The following MAPK9 variants were observed in gnomAD, a reference collection of about 807,000 sequenced individuals.
MAPK9 encodes the protein Jun kinase.
Under a neutral mutation model 57.1 loss-of-function variants are expected in MAPK9, and 30 were observed. The observed-to-expected ratio is 0.53, with a 90% CI of 0.39 to 0.71. The LOEUF is 0.71. MAPK9 is among the 30% of genes least tolerant of loss of function. MAPK9 has a pLI of 0.00. For missense variants in MAPK9, 362 were observed against 521.0 expected (o/e 0.69, Z 2.97); for synonymous variants, 155 against 177.0 (o/e 0.88, Z 0.99).
intron 2 of MAPK9, among the ~76,000 whole-genome samples, chr5:180,273,412 G>T (rs535036615): frequency 1.3e-5 from 2 of 151,454 alleles, no homozygotes; most frequent in East Asian, 3.9e-4. Flanking sequence ...AAGTGGAGAT[G>T]GGGGGAGTCT....
In MAPK9 at chr5:180,247,257, A is replaced by G; in HGVS notation, c.688+182T>C. ...ATCACAGGTAGTCAAGTTAAAAATA[A>G]AGAATGAAATTGAACCACTTGGCTT... On this transcript the variant is annotated intron_variant, in intron 7 of 11. Transcript: ENST00000452135. The surrounding 1 kb of genome is among the most constrained non-coding windows in gnomAD (Gnocchi z 4.5). The G allele has an allele frequency of 1.6e-6, 1 of 626,392 alleles. No homozygotes were observed. The highest frequency in any genetic ancestry group is 2.8e-6 in the Non-Finnish European group (1 of 359,076). The allele number at this position is 626,392 out of a possible 1,614,324, so 38.8% of individuals were successfully genotyped here.
chr5:180,268,941 C>G (rs2127605217), intron 3 of MAPK9, among the ~76,000 whole-genome samples: 1 of 151,632 alleles, frequency 6.6e-6, no homozygotes, highest in South Asian at 2.1e-4. Context: ...AGATCAAGAC[C>G]ATCCTGACTA....
intron 5 of MAPK9, among the ~76,000 whole-genome samples, chr5:180,254,238 A>G (rs1759029848): frequency 6.6e-6 from 1 of 152,188 alleles, no homozygotes. Context: ...AAGTGCTGGG[A>G]TTACTGGCAT....
At chr5:180,269,087 C>T (rs560189089) in intron 3 of MAPK9, among the ~76,000 whole-genome samples, 193 bp downstream of exon 3, 5 of 152,106 alleles carry the variant, frequency 3.3e-5, no homozygotes, top group African/African-American at 7.2e-5. Flanking sequence ...TGCAGAGAGC[C>T]GAGACTGCGC....
intron 5 of MAPK9, among the ~76,000 whole-genome samples, chr5:180,254,906 C>G (rs145055976): frequency 6.6e-6 from 1 of 152,102 alleles, no homozygotes. Flanking sequence ...TGGTGGCGGA[C>G]GCCTGCAGTC....
At chr5:180,267,899 G>A (rs1760809441) in intron 3 of MAPK9, among the ~76,000 whole-genome samples, 1 of 152,056 alleles carries the variant, frequency 6.6e-6, no homozygotes, top group South Asian at 2.1e-4. Context: ...GTCTCGCTCT[G>A]TCGCCCAGGC....
chr5:180,234,777 T>C lies in MAPK9; in HGVS notation c.*1607A>G, dbSNP rs1182995122. The C allele has an allele frequency of 6.6e-6, 1 of 151,846 alleles. No homozygotes were observed. Among genetic ancestry groups the C allele is most frequent in the African/African-American group, 2.4e-5 (1 of 41,094 alleles). 9.4% of individuals were successfully genotyped at this position (151,846 alleles called of 1,614,324 possible). Reference sequence around the variant, plus strand: ...AAAAGAACTATTTCTTATTTCAATATTAATTTTGCTAATCAAAGGTTCCAG... The same window carrying C: ...AAAAGAACTATTTCTTATTTCAATACTAATTTTGCTAATCAAAGGTTCCAG... On this transcript the variant is annotated 3_prime_UTR_variant, in exon 12 of 12. Transcript: ENST00000452135.
chr5:180,266,772 A>G (rs1272816126), intron 3 of MAPK9, among the ~76,000 whole-genome samples: 1 of 152,122 alleles, frequency 6.6e-6, no homozygotes, highest in Non-Finnish European at 1.5e-5. Flanking sequence ...TAATGAAAAT[A>G]TCAAACTAAT....
rs1757587998 is a variant in MAPK9 at position 180,240,917 on chromosome 5, G to A, written c.996+114C>T. ...ACACTTGGCCTTTCTGTAACTGGGA[G>A]CCCCCAAATGGAGAACTTGCTACCC... On this transcript the variant is annotated intron_variant, in intron 9 of 11. Coordinates refer to ENST00000452135, the MANE Select transcript of MAPK9 (RefSeq NM_002752.5). 6 of 1,268,322 alleles carry A rather than the reference G, an allele frequency of 4.7e-6. No homozygotes were observed. In the South Asian group the frequency reaches 1.2e-4, roughly 26 times the overall value. The allele number at this position is 1,268,322 out of a possible 1,614,324, so 78.6% of individuals were successfully genotyped here. A position where few individuals can be genotyped will look rare whatever the true frequency, so the allele number is the denominator to read the frequency against.
intron 3 of MAPK9, among the ~76,000 whole-genome samples, chr5:180,267,726 A>AT (rs1222625503): frequency 1.3e-5 from 2 of 152,092 alleles, no homozygotes. Context: ...ACTGCCAAGC[A>AT]TGGTGGCGCA....
At chr5:180,246,612 TG>T (rs1295826377) in intron 7 of MAPK9, 1 of 152,092 alleles carries the variant, frequency 6.6e-6, no homozygotes, top group African/African-American at 2.4e-5. Context: ...AAAAACTAAG[TG>T]GTTAAAACAC....
At chr5:180,283,131 C>T (rs1035184425) in intron 1 of MAPK9, among the ~76,000 whole-genome samples, 47 of 152,148 alleles carry the variant, frequency 3.1e-4, no homozygotes, top group African/African-American at 9.9e-4. Flanking sequence ...CTCCCTTCCT[C>T]GCTTTCATAA....
chr5:180,260,833 T>C (rs1759871758), intron 5 of MAPK9, among the ~76,000 whole-genome samples: 1 of 152,234 alleles, frequency 6.6e-6, no homozygotes, highest in African/African-American at 2.4e-5. Context: ...TAATTGTTCT[T>C]CACCTATTAC....
intron 1 of MAPK9, among the ~76,000 whole-genome samples, chr5:180,286,687 C>A (rs1427568622): frequency 6.7e-6 from 1 of 148,172 alleles, no homozygotes; most frequent in Non-Finnish European, 1.5e-5. Flanking sequence ...CTCTCAATCC[C>A]CCACTCCCAG....
intron 5 of MAPK9, among the ~76,000 whole-genome samples, chr5:180,251,257 C>A (rs1264309631): frequency 6.6e-6 from 1 of 152,072 alleles, no homozygotes; most frequent in Admixed American, 6.6e-5. Context: ...GCCAGCAGGC[C>A]CTGAAGCCCA....
intron 5 of MAPK9, among the ~76,000 whole-genome samples, chr5:180,249,421 AT>A (rs1758443897): frequency 1.3e-5 from 2 of 151,314 alleles, no homozygotes; most frequent in African/African-American, 4.9e-5. Flanking sequence ...CCCTCCATCC[AT>A]GCATCTACAC....
chr5:180,252,555 C>T (rs979271537), intron 5 of MAPK9, among the ~76,000 whole-genome samples: 2 of 152,172 alleles, frequency 1.3e-5, no homozygotes, highest in East Asian at 1.9e-4. Flanking sequence ...GATTTACTAT[C>T]TTGGGGGCAG....
At chr5:180,249,414 T>A (rs1178908763) in intron 5 of MAPK9, among the ~76,000 whole-genome samples, 1 of 151,862 alleles carries the variant, frequency 6.6e-6, no homozygotes, top group Non-Finnish European at 1.5e-5. Context: ...CTATCTACCC[T>A]CCATCCATGC....
intron 2 of MAPK9, chr5:180,279,732 T>G: frequency 2.9e-6 from 1 of 346,862 alleles, no homozygotes; most frequent in Non-Finnish European, 5.8e-6. Flanking sequence ...CCCAGAAAAA[T>G]AAGGGGTAAA....
Sources: allele counts gnomAD v4.1 joint callset (sites outside exome capture counted in the v4.1 genomes callset), GRCh38; gene constraint gnomAD v4.1.1; non-coding constraint Gnocchi (gnomAD v3.1); transcripts MANE v1.5; gene names NCBI Gene and HGNC (gene_info 2026-07-23, HGNC 2026-07-21).